Variants in DENND6A observed in about 807,000 individuals in gnomAD.
DENND6A encodes the protein DENN domain containing 6A.
A neutral mutation model predicts 95.5 loss-of-function variants in DENND6A; 43 were observed. The observed-to-expected ratio is 0.45, with a 90% confidence interval of 0.35 to 0.58. DENND6A has a LOEUF of 0.58. Ranked by LOEUF, DENND6A falls within the 20% of genes least tolerant of loss-of-function variation. DENND6A has a pLI of 0.00. For synonymous variants in DENND6A, 257 were observed against 260.4 expected (o/e 0.99, Z 0.13); for missense variants, 574 against 736.0 (o/e 0.78, Z 2.55).
chr3:57,666,806 CAA>C (rs565350710), intron 3 of DENND6A, among the ~76,000 whole-genome samples: 1 of 152,142 alleles, frequency 6.6e-6, no homozygotes, highest in Non-Finnish European at 1.5e-5. Context: ...CAGTAACACT[CAA>C]AGACACTAAA....
At position 57,657,732 on chromosome 3, in the gene DENND6A, C is replaced by A; in HGVS notation, c.766G>T (p.Asp256Tyr). The change falls in exon 9 of 20, where the codon GAC (aspartate) becomes TAC (tyrosine). Residue 256 changes from aspartate (D) to tyrosine (Y), a missense_variant. By Grantham distance (160) the Asp-to-Tyr change is radical. Transcript: ENST00000311128. ...GGTAAAATAACAGATATATTTGTGT[C>A]CACCTGAGAGATAGAAAAGAAAAAT... The part of the protein sequence containing the change: ...TQIVQLTQQV[D>Y]TNISVILPTV... 1 of 1,576,452 alleles carries A rather than the reference C, an allele frequency of 6.3e-7. No homozygotes were observed. The highest frequency in any genetic ancestry group is 1.2e-5 in the South Asian group (1 of 86,718).
intron 13 of DENND6A, 27 bp from the exon 14 acceptor site, chr3:57,634,649 A>G: frequency 6.7e-7 from 1 of 1,486,492 alleles, no homozygotes; most frequent in Non-Finnish European, 9.0e-7. Flanking sequence ...GAAGGTAAAC[A>G]AAAAAACCCA....
chr3:57,638,359 TAAA>T (rs1487633119), intron 12 of DENND6A, among the ~76,000 whole-genome samples: 1 of 151,398 alleles, frequency 6.6e-6, no homozygotes, highest in African/African-American at 2.4e-5. Flanking sequence ...AGAAAATATA[TAAA>T]TGGCCAATAA....
intron 7 of DENND6A, among the ~76,000 whole-genome samples, chr3:57,660,203 T>C (rs1384301396): frequency 1.3e-5 from 2 of 152,054 alleles, no homozygotes; most frequent in African/African-American, 4.8e-5. Context: ...GTTCTTTTTT[T>C]TTTTTTTTGA....
chr3:57,674,641 AAAAT>A (rs368173182), intron 1 of DENND6A, among the ~76,000 whole-genome samples: 90 of 152,358 alleles, frequency 5.9e-4, no homozygotes, highest in African/African-American at 2.1e-3. Flanking sequence ...CTTATCTCAA[AAAAT>A]AAATAAATAA....
At chr3:57,692,685 A>C (rs2077280314) in intron 1 of DENND6A, 97 bp downstream of exon 1, 1 of 1,146,224 alleles carries the variant, frequency 8.7e-7, no homozygotes, top group East Asian at 3.2e-5. Flanking sequence ...TGCGCCGCGG[A>C]CAGGGTCCTG....
chr3:57,640,290 A>AT (rs1209454303), intron 12 of DENND6A, among the ~76,000 whole-genome samples: 1 of 150,476 alleles, frequency 6.6e-6, no homozygotes, highest in Non-Finnish European at 1.5e-5. Context: ...ACAAAAAAAA[A>AT]CAAAAAACAA....
chr3:57,632,021 CTT>C (rs771800755), intron 15 of DENND6A, among the ~76,000 whole-genome samples: 9 of 96,012 alleles, frequency 9.4e-5, no homozygotes, highest in Admixed American at 2.5e-4. Context: ...CGCGCCCGGC[CTT>C]TTTTTTTTTT....
At chr3:57,662,190 T>C (rs1026621196) in intron 5 of DENND6A, among the ~76,000 whole-genome samples, 16 of 121,842 alleles carry the variant, frequency 1.3e-4, no homozygotes, top group African/African-American at 2.5e-4. Context: ...TTTTTCTTTT[T>C]TTTTTTTTTT....
chr3:57,688,289 C>T (rs35661545), intron 1 of DENND6A, among the ~76,000 whole-genome samples: 2,242 of 152,194 alleles, frequency 0.015, 21 homozygotes, highest in Non-Finnish European at 0.021. Flanking sequence ...AGCCACCACA[C>T]TCGGCTTATT....
chr3:57,633,748 G>C (rs927815635), intron 14 of DENND6A, among the ~76,000 whole-genome samples: 1 of 151,970 alleles, frequency 6.6e-6, no homozygotes, highest in African/African-American at 2.4e-5. Context: ...AAATTAGCTG[G>C]GTGTGGTGGC....
chr3:57,659,015 A>T, intron 8 of DENND6A, 103 bp downstream of exon 8: 1 of 1,044,542 alleles, frequency 9.6e-7, no homozygotes, highest in Non-Finnish European at 1.4e-6. Flanking sequence ...AGTAATATTC[A>T]GAAATATGTA....
chr3:57,645,220 T>C (rs1575827507), intron 11 of DENND6A, among the ~76,000 whole-genome samples: 1 of 152,040 alleles, frequency 6.6e-6, no homozygotes, highest in African/African-American at 2.4e-5. Context: ...CCCAGCACTT[T>C]GTGAGGCTGA....
At chr3:57,658,128 C>T (rs1317119458) in intron 8 of DENND6A, among the ~76,000 whole-genome samples, 8 of 149,488 alleles carry the variant, frequency 5.4e-5, no homozygotes, top group African/African-American at 2.0e-4. Context: ...CCCAGCTACT[C>T]GGGAGGCTGA....
intron 12 of DENND6A, among the ~76,000 whole-genome samples, chr3:57,636,403 A>T (rs1384361584): frequency 6.6e-6 from 1 of 152,176 alleles, no homozygotes; most frequent in African/African-American, 2.4e-5. Context: ...GATTCAGTAA[A>T]TATTAAGTAA....
intron 1 of DENND6A, among the ~76,000 whole-genome samples, chr3:57,686,462 T>C (rs2077212607): frequency 6.6e-6 from 1 of 152,216 alleles, no homozygotes; most frequent in Admixed American, 6.5e-5. Flanking sequence ...TTGTGCATCA[T>C]TTTATTGTGC....
At chr3:57,646,562 T>C in intron 9 of DENND6A, 124 bp from the exon 10 acceptor site, 2 of 1,293,416 alleles carry the variant, frequency 1.5e-6, no homozygotes, top group Non-Finnish European at 2.1e-6. Context: ...TATCCTGATC[T>C]GATACACAAA....
intron 4 of DENND6A, among the ~76,000 whole-genome samples, chr3:57,664,895 A>G (rs2071503087): frequency 6.6e-6 from 1 of 152,192 alleles, no homozygotes; most frequent in African/African-American, 2.4e-5. Context: ...GAAAAAACAC[A>G]AAGTGTTACA....
At chr3:57,653,744 TAA>T (rs553856616) in intron 9 of DENND6A, among the ~76,000 whole-genome samples, 12 of 84,702 alleles carry the variant, frequency 1.4e-4, no homozygotes, top group Admixed American at 2.7e-4. Context: ...AGACTCCATC[TAA>T]AAAAAAAAAA....
Sources: allele counts gnomAD v4.1 joint callset (sites outside exome capture counted in the v4.1 genomes callset), GRCh38; gene constraint gnomAD v4.1.1; transcripts MANE v1.5; gene names NCBI Gene and HGNC (gene_info 2026-07-23, HGNC 2026-07-21).